TSPYL2: variants seen among roughly 807,000 people sequenced by gnomAD.
TSPYL2 encodes testis-specific Y-encoded-like protein 2.
Under a neutral mutation model 33.0 loss-of-function variants are expected in TSPYL2, and 9 were observed. The ratio of observed to expected loss-of-function variants is 0.27; its 90% CI spans 0.16 to 0.48. TSPYL2 has a LOEUF of 0.48. TSPYL2 is among the 20% of genes least tolerant of loss of function. TSPYL2 has a pLI of 0.99. For missense variants in TSPYL2, 636 were observed against 586.2 expected (o/e 1.08, Z -0.88); for synonymous variants, 330 against 233.6 (o/e 1.41, Z -3.77).
chrX:53,088,101 G>A lies in TSPYL2; in HGVS notation c.*162G>A. 2.0e-6 allele frequency: 1 copy of A among 497,357 alleles called. No homozygotes were observed. The highest frequency in any genetic ancestry group is 3.3e-6 in the Non-Finnish European group (1 of 306,209). The allele number at this position is 497,357 out of a possible 1,213,427, so 41.0% of individuals were successfully genotyped here. On this transcript the variant is annotated 3_prime_UTR_variant, in exon 7 of 7. Coordinates refer to ENST00000375442, the MANE Select transcript of TSPYL2 (RefSeq NM_022117.4). ...ATTTTTATGGTTTAGTCATTGCAGAGTTCTTATTTTGGGGGGAGGGAAAGG... is the reference window on the plus strand; with the variant it reads ...ATTTTTATGGTTTAGTCATTGCAGAATTCTTATTTTGGGGGGAGGGAAAGG...
At chrX:53,086,679 A>T in intron 6 of TSPYL2, 1 of 232,536 alleles carries the variant, frequency 4.3e-6, no homozygotes, top group East Asian at 1.1e-4. Context: ...GCGCATTTCC[A>T]GGCTTGTGTT....
At position 53,082,369 on chromosome X, in the gene TSPYL2, A is replaced by C; in HGVS notation, c.-130A>C. On this transcript the variant is annotated 5_prime_UTR_variant, in exon 1 of 7. Transcript: ENST00000375442. Reference sequence around the variant, plus strand: ...CGGGCGCTGTGGGAGGGAACGCCAGAGCGAGGTGGTGAGGAGAGCTGGTTG... The same window carrying C: ...CGGGCGCTGTGGGAGGGAACGCCAGCGCGAGGTGGTGAGGAGAGCTGGTTG... The C allele has an allele frequency of 1.6e-6, 1 of 615,900 alleles. No homozygotes were observed. The highest frequency in any genetic ancestry group is 4.2e-5 in the East Asian group (1 of 23,602). 50.8% of individuals were successfully genotyped at this position (615,900 alleles called of 1,213,427 possible).
intron 1 of TSPYL2, among the ~76,000 whole-genome samples, chrX:53,084,206 A>T (rs969922056): frequency 1.8e-5 from 2 of 112,127 alleles, no homozygotes; most frequent in Admixed American, 9.4e-5. Context: ...ACCCATACAT[A>T]CAATAACGTG....
intron 1 of TSPYL2, among the ~76,000 whole-genome samples, chrX:53,084,176 T>C (rs1556807758): frequency 8.9e-6 from 1 of 112,007 alleles, no homozygotes; most frequent in African/African-American, 3.2e-5. Flanking sequence ...TCACACATCA[T>C]GTGGACATGG....
Position 53,085,975 on chromosome X carries a change from A to G in TSPYL2, c.1583A>G (p.Asn528Ser). 6 of 1,196,116 alleles carry G rather than the reference A, an allele frequency of 5.0e-6. No individual in the cohort carries two copies. Among genetic ancestry groups the G allele is most frequent in the Non-Finnish European group, 6.8e-6 (6 of 887,369 alleles). Residue 528 changes from asparagine (N) to serine (S), a missense_variant, in exon 6 of 7, where the codon AAC (asparagine) becomes AGC (serine). Physicochemically the swap from Asn to Ser is conservative, Grantham distance 46 (BLOSUM62 1). Coordinates refer to ENST00000375442, the MANE Select transcript of TSPYL2 (RefSeq NM_022117.4). ...PEDNNKNTDD[N>S]EENPNNNENT... ...GACAATAACAAGAACACTGATGACA[A>G]CGAAGAGAACCCTAACAACAACGAG... is the stretch of plus-strand genomic sequence containing the variant.
rs1416139403 is a variant in TSPYL2, at chrX:53,083,290, C to T, written c.792C>T (p.Gly264=). 4 of 1,205,848 alleles carry T rather than the reference C, an allele frequency of 3.3e-6. No homozygotes were observed. The Admixed American group carries it at 8.8e-5, about 27-fold the overall frequency. The change falls in exon 1 of 7, where the codon GGC becomes GGT. Residue 264 remains glycine (G), a synonymous_variant. Transcript: ENST00000375442. ...RRDLIIQHIP[G]FWVKAFLNHP... is the part of the protein sequence containing the mutation. ...ACCTCATCATCCAGCATATCCCAGGCTTCTGGGTCAAAGCAGTATCCTTCT... is the reference window on the plus strand; with the variant it reads ...ACCTCATCATCCAGCATATCCCAGGTTTCTGGGTCAAAGCAGTATCCTTCT...
In TSPYL2 at chrX:53,082,541, C is replaced by T; in HGVS notation, c.43C>T (p.Leu15=). 2 of 1,158,426 alleles carry T rather than the reference C, an allele frequency of 1.7e-6. No individual in the cohort carries two copies. The highest frequency in any genetic ancestry group is 2.3e-6 in the Non-Finnish European group (2 of 872,892). Residue 15 remains leucine (L), a synonymous_variant, in exon 1 of 7, where the codon CTG becomes TTG. Transcript: ENST00000375442. ...DEGPPAKTRR[L]SSSESPQRDP... ...GGGGCCTCCGGCCAAGACCCGCCGC[C>T]TGAGCAGCTCCGAGTCTCCACAGCG...
In TSPYL2 at chrX:53,084,476, C is replaced by T. The variant is rs1159595759; in HGVS notation, c.808-69C>T. 4.6e-5 allele frequency: 44 copies of T among 959,411 alleles called. 1 individual carries two copies. In the East Asian group the frequency reaches 1.3e-3, roughly 28 times the overall value. The allele number at this position is 959,411 out of a possible 1,213,427, so 79.1% of individuals were successfully genotyped here. Reference sequence around the variant, plus strand: ...ATGCTCCAGCCTCTCTTACTGTGCCCTTCCTGGCCTTCCCTCCCTCCCTTT... The same window carrying T: ...ATGCTCCAGCCTCTCTTACTGTGCCTTTCCTGGCCTTCCCTCCCTCCCTTT... On this transcript the variant is annotated intron_variant, in intron 1 of 6. Transcript: ENST00000375442.
chrX:53,086,577 G>A (rs1932768952), intron 6 of TSPYL2: 1 of 399,192 alleles, frequency 2.5e-6, no homozygotes, highest in South Asian at 3.5e-5. Flanking sequence ...GAGACAGTGG[G>A]TGGAAAACTG....
intron 1 of TSPYL2, among the ~76,000 whole-genome samples, chrX:53,083,977 C>G (rs1420220545): frequency 8.9e-6 from 1 of 111,777 alleles, no homozygotes; most frequent in Admixed American, 9.4e-5. Flanking sequence ...GTCGAACATC[C>G]TAATAGAATT....
rs1556807058 is a variant in TSPYL2 at position 53,082,399 on chromosome X, A to G, written c.-100A>G. Reference sequence around the variant, plus strand: ...GGTGGTGAGGAGAGCTGGTTGCGTGAGTCTCCTCAGCTCTGCTTACCGGTG... The same window carrying G: ...GGTGGTGAGGAGAGCTGGTTGCGTGGGTCTCCTCAGCTCTGCTTACCGGTG... On this transcript the variant is annotated 5_prime_UTR_variant, in exon 1 of 7. Coordinates refer to ENST00000375442, the MANE Select transcript of TSPYL2 (RefSeq NM_022117.4). The G allele has an allele frequency of 1.1e-5, 9 of 817,430 alleles. No individual in the cohort carries two copies. Among genetic ancestry groups the G allele is most frequent in the Non-Finnish European group, 1.5e-5 (9 of 606,397 alleles). The allele number at this position is 817,430 out of a possible 1,213,427, so 67.4% of individuals were successfully genotyped here.
Position 53,083,011 on chromosome X carries a change from A to C in TSPYL2, c.513A>C (p.Ile171=). 1.7e-6 allele frequency: 2 copies of C among 1,209,636 alleles called. No homozygotes were observed. Among genetic ancestry groups the C allele is most frequent in the Non-Finnish European group, 2.2e-6 (2 of 894,401 alleles). Residue 171 remains isoleucine (I), a synonymous_variant, in exon 1 of 7, where the codon ATA becomes ATC. Coordinates refer to ENST00000375442, the MANE Select transcript of TSPYL2 (RefSeq NM_022117.4). ...AGAGCAAGGAAGAGGCGATCATCATAGTGGAGGATGAGGATGAGGATGAGC... is the reference window on the plus strand; with the variant it reads ...AGAGCAAGGAAGAGGCGATCATCATCGTGGAGGATGAGGATGAGGATGAGC... The part of the protein sequence containing the change: ...DPKSKEEAII[I]VEDEDEDERE...
rs1932757624 is a variant in TSPYL2 at position 53,085,990 on chromosome X, A to ACTC, written c.1599_1600insTCC (p.Asn533_Asn534insSer). 8.4e-7 allele frequency: 1 copy of ACTC among 1,185,944 alleles called. No individual in the cohort carries two copies. Among genetic ancestry groups the ACTC allele is most frequent in the Non-Finnish European group, 1.1e-6 (1 of 883,194 alleles). ...ACTGATGACAACGAAGAGAACCCTA[A>ACTC]CAACAACGAGAACACTTACGGCAAC... On this transcript the variant is annotated inframe_insertion, in exon 6 of 7. Coordinates refer to ENST00000375442, the MANE Select transcript of TSPYL2 (RefSeq NM_022117.4).
In TSPYL2 at chrX:53,086,302, T is replaced by C. The variant is rs368159646; in HGVS notation, c.1910T>C (p.Ile637Thr). 1.7e-5 allele frequency: 20 copies of C among 1,201,203 alleles called. No homozygotes were observed. The highest frequency in any genetic ancestry group is 2.2e-5 in the Admixed American group (1 of 45,383). Reference protein sequence around the residue: ...ISDESVEEEGIEEGIQQDEDI... With the variant: ...ISDESVEEEGTEEGIQQDEDI... ...GACGAATCAGTGGAAGAAGAGGGCA[T>C]TGAGGAAGGTGAGCTAATCCCCCCC... The change falls in exon 6 of 7, where the codon ATT becomes ACT. Residue 637 changes from isoleucine (I) to threonine (T), a missense_variant. Ile to Thr is a moderately conservative substitution (Grantham distance 89). Around this residue, in one of 3 missense-constraint regions of TSPYL2, gnomAD observed 401 missense variants for 363.0 expected, o/e 1.10. Coordinates refer to ENST00000375442, the MANE Select transcript of TSPYL2 (RefSeq NM_022117.4).
rs782562823 is a variant in TSPYL2, at chrX:53,084,810, C to G, written c.941C>G (p.Thr314Ser). 3 of 1,211,499 alleles carry G rather than the reference C, an allele frequency of 2.5e-6. No individual in the cohort carries two copies. The highest frequency in any genetic ancestry group is 3.4e-6 in the Non-Finnish European group (3 of 895,401). ...MGYKMKLYFQ[T>S]NPYFTNMVIV... ...TACAAAATGAAGCTGTACTTCCAGA[C>G]TAACCCCTACTTCACAAACATGGTG... Residue 314 changes from threonine to serine, a missense_variant, in exon 3 of 7, where the codon ACT becomes AGT. Transcript: ENST00000375442.
Position 53,085,228 on chromosome X carries a change from T to C in TSPYL2, c.1145T>C (p.Ile382Thr). ...ATTCCTTCTCCCCTTTTTCAACAGA[T>C]TATCAAGAATGATCTGTGGGTTAAC... ...SLPEADRIAE[I>T]IKNDLWVNPL... The change falls in exon 5 of 7, where the codon ATT becomes ACT. Residue 382 changes from isoleucine (I) to threonine (T), a missense_variant and splice_region_variant. Ile to Thr is a moderately conservative substitution (Grantham distance 89, BLOSUM62 -1). Around this residue, in one of 3 missense-constraint regions of TSPYL2, gnomAD observed 401 missense variants for 363.0 expected, o/e 1.10. Transcript: ENST00000375442. 1 of 1,200,730 alleles carries C rather than the reference T, an allele frequency of 8.3e-7. No homozygotes were observed. Among genetic ancestry groups the C allele is most frequent in the Non-Finnish European group, 1.1e-6 (1 of 890,395 alleles).
chrX:53,083,059 G>C lies in TSPYL2; in HGVS notation c.561G>C (p.Arg187Ser), dbSNP rs1932663018. 3 of 1,202,991 alleles carry C rather than the reference G, an allele frequency of 2.5e-6. No individual in the cohort carries two copies. The African/African-American group carries it at 5.3e-5, about 21-fold the overall frequency. The change falls in exon 1 of 7, where the codon AGG becomes AGC. Residue 187 changes from arginine to serine, a missense_variant. This residue lies in a region of TSPYL2 where 231 missense variants were observed against 201.6 expected (regional missense o/e 1.15). Coordinates refer to ENST00000375442, the MANE Select transcript of TSPYL2 (RefSeq NM_022117.4). ...EDERESMRSS[R>S]RRRRRRRRKQ... ...AGCGGGAGAGTATGAGGAGCAGCAGGAGGCGGCGGCGGCGGCGGAGGAGGA... is the reference window on the plus strand; with the variant it reads ...AGCGGGAGAGTATGAGGAGCAGCAGCAGGCGGCGGCGGCGGCGGAGGAGGA...
intron 6 of TSPYL2, chrX:53,086,958 C>G (rs953177638): frequency 8.5e-6 from 1 of 117,340 alleles, no homozygotes; most frequent in African/African-American, 3.3e-5. Flanking sequence ...CTCACCAGAT[C>G]TGAAAGCTGC....
chrX:53,085,384 C>A, intron 5 of TSPYL2, 63 bp downstream of exon 5: 1 of 997,073 alleles, frequency 1.0e-6, no homozygotes, highest in Non-Finnish European at 1.4e-6. Flanking sequence ...TAGTGTAACA[C>A]AGGATTTATG....
Sources: gnomAD v4.1 joint callset for allele counts (sites outside exome capture counted in the v4.1 genomes callset) on GRCh38, gnomAD v4.1.1 for gene constraint, gnomAD v4.1.1 regional missense constraint, MANE v1.5 for transcripts, NCBI Gene and HGNC (gene_info 2026-07-23, HGNC 2026-07-21) for gene names.